The following DLG1 variants were observed in gnomAD, a reference collection of about 807,000 sequenced individuals.
DLG1 encodes discs large MAGUK scaffold protein 1.
DLG1 carries 42 observed loss-of-function variants against 123.4 expected under a neutral mutation model. The ratio of observed to expected loss-of-function variants is 0.34; its 90% CI spans 0.27 to 0.44. The LOEUF is 0.44. DLG1 is among the 20% of genes least tolerant of loss of function. The pLI is 1.00. For synonymous variants in DLG1, 317 were observed against 356.2 expected, an observed-to-expected ratio of 0.89 and a Z score of 1.24; for missense variants, 942 against 1,082.6, an observed-to-expected ratio of 0.87 and a Z score of 1.82.
chr3:197,272,409 A>C (rs2151055206), intron 4 of DLG1, among the ~76,000 whole-genome samples: 1 of 152,200 alleles, frequency 6.6e-6, no homozygotes, highest in South Asian at 2.1e-4. Context: ...ATTAGGTTTT[A>C]ATCTCTTTTA....
intron 4 of DLG1, among the ~76,000 whole-genome samples, chr3:197,273,188 A>ATGTGTGTGTG (rs34778202): frequency 0.025 from 3,717 of 147,624 alleles, 54 homozygotes; most frequent in Non-Finnish European, 0.034. Flanking sequence ...CACTGAATAT[A>ATGTGTGTGTG]TGTGTGTGTG....
intron 5 of DLG1, among the ~76,000 whole-genome samples, chr3:197,160,273 G>C (rs1375681059): frequency 1.3e-5 from 2 of 151,558 alleles, no homozygotes; most frequent in Non-Finnish European, 2.9e-5. Flanking sequence ...TGAATATAAA[G>C]AGACTGGTAC....
chr3:197,283,859 GTTTT>G (rs36055840), intron 3 of DLG1, among the ~76,000 whole-genome samples: 1 of 104,882 alleles, frequency 9.5e-6, no homozygotes, highest in East Asian at 3.0e-4. Flanking sequence ...CAGTTGGGTT[GTTTT>G]TTTTTTTTTT....
At chr3:197,264,089 T>C (rs1012905043) in intron 4 of DLG1, among the ~76,000 whole-genome samples, 4 of 152,178 alleles carry the variant, frequency 2.6e-5, no homozygotes, top group Non-Finnish European at 4.4e-5. Context: ...CACATTAAAA[T>C]AGTATGTCTA....
chr3:197,178,239 T>C (rs1310856747), intron 5 of DLG1, among the ~76,000 whole-genome samples: 2 of 152,126 alleles, frequency 1.3e-5, no homozygotes, highest in Non-Finnish European at 2.9e-5. Flanking sequence ...CAACATATTA[T>C]TGAATCAGTA....
intron 3 of DLG1, among the ~76,000 whole-genome samples, chr3:197,290,897 TAAAAAAAAAA>T (rs34807556): frequency 2.3e-5 from 2 of 87,970 alleles, no homozygotes; most frequent in Non-Finnish European, 4.2e-5. Context: ...CTCCAAATAG[TAAAAAAAAAA>T]AAAAAAAAAA....
At chr3:197,231,896 A>G (rs1743321725) in intron 4 of DLG1, among the ~76,000 whole-genome samples, 1 of 152,216 alleles carries the variant, frequency 6.6e-6, no homozygotes, top group Non-Finnish European at 1.5e-5. Flanking sequence ...TTCACAGTTG[A>G]AGACAGCCAA....
intron 12 of DLG1, among the ~76,000 whole-genome samples, chr3:197,118,826 G>GAT (rs1375365999): frequency 2.6e-5 from 4 of 152,082 alleles, no homozygotes; most frequent in Non-Finnish European, 5.9e-5. Context: ...GAATATCAAG[G>GAT]ATATATAGCA....
At chr3:197,211,562 A>C (rs1331668581) in intron 4 of DLG1, among the ~76,000 whole-genome samples, 3 of 146,372 alleles carry the variant, frequency 2.0e-5, no homozygotes, top group African/African-American at 7.3e-5. Flanking sequence ...ATGAGATACC[A>C]TCTCCCACCT....
chr3:197,202,478 G>A (rs938008554), intron 4 of DLG1, among the ~76,000 whole-genome samples: 3 of 152,166 alleles, frequency 2.0e-5, no homozygotes, highest in Admixed American at 6.5e-5. Context: ...ATTTTACCAT[G>A]ATCATCTCAA....
At chr3:197,178,038 G>T (rs955704038) in intron 5 of DLG1, among the ~76,000 whole-genome samples, 1 of 151,940 alleles carries the variant, frequency 6.6e-6, no homozygotes, top group African/African-American at 2.4e-5. Flanking sequence ...CAGAAACTGA[G>T]GATACAACAA....
At chr3:197,055,566 G>A (rs1731108915) in intron 23 of DLG1, among the ~76,000 whole-genome samples, 1 of 152,108 alleles carries the variant, frequency 6.6e-6, no homozygotes, top group Non-Finnish European at 1.5e-5. Flanking sequence ...GAATCAGCCT[G>A]AGGTGTAAAC....
At chr3:197,215,000 A>C (rs1733358673) in intron 4 of DLG1, among the ~76,000 whole-genome samples, 1 of 152,218 alleles carries the variant, frequency 6.6e-6, no homozygotes, top group Non-Finnish European at 1.5e-5. Context: ...TACAGGTAAA[A>C]ACATAAATGA....
At chr3:197,070,810 G>A (rs976654728) in intron 18 of DLG1, 1 of 151,846 alleles carries the variant, frequency 6.6e-6, no homozygotes, top group Non-Finnish European at 1.5e-5. Context: ...GAGCTCACGT[G>A]ATCTGTCTGC....
chr3:197,142,163 T>C (rs142326507), intron 7 of DLG1, among the ~76,000 whole-genome samples: 426 of 152,322 alleles, frequency 2.8e-3, no homozygotes, highest in African/African-American at 9.7e-3. Flanking sequence ...ATGACCATGT[T>C]ACTAGTATAC....
intron 4 of DLG1, among the ~76,000 whole-genome samples, chr3:197,229,334 A>T (rs954006160): frequency 6.6e-6 from 1 of 151,894 alleles, no homozygotes; most frequent in South Asian, 2.1e-4. Context: ...CTCTAAAAAA[A>T]ATATAAATAA....
chr3:197,142,665 A>G lies in DLG1; in HGVS notation c.588+53T>C, dbSNP rs954941304. ...ATCTCCCTTGGATTCTGTATGAAAA[A>G]GCAGTATATTACAAAGTTCTCTAGA... On this transcript the variant is annotated intron_variant, in intron 7 of 24. Transcript: ENST00000667157. 3 of 1,305,106 alleles carry G rather than the reference A, an allele frequency of 2.3e-6. No individual in the cohort carries two copies. The African/African-American group carries it at 4.5e-5, about 20-fold the overall frequency. 80.8% of individuals were successfully genotyped at this position (1,305,106 alleles called of 1,614,324 possible).
intron 13 of DLG1, among the ~76,000 whole-genome samples, chr3:197,108,134 A>G (rs1025830080): frequency 6.6e-6 from 1 of 152,150 alleles, no homozygotes; most frequent in Admixed American, 6.5e-5. Flanking sequence ...TGTTGAACTA[A>G]CCATGCATTC....
intron 6 of DLG1, among the ~76,000 whole-genome samples, chr3:197,145,055 TCACACA>T (rs34377415): frequency 1.0e-4 from 15 of 148,632 alleles, no homozygotes; most frequent in East Asian, 2.0e-4. Flanking sequence ...TCTCTCTCTC[TCACACA>T]CACACACACA....
Sources: gnomAD v4.1 joint callset for allele counts (sites outside exome capture counted in the v4.1 genomes callset) on GRCh38, gnomAD v4.1.1 for gene constraint, MANE v1.5 for transcripts, NCBI Gene and HGNC (gene_info 2026-07-23, HGNC 2026-07-21) for gene names.